CHST11: variants seen among roughly 807,000 people sequenced by gnomAD.
CHST11 encodes the protein carbohydrate sulfotransferase 11, also known as C4S-1.
In CHST11, 9 loss-of-function variants were observed where a neutral mutation model predicts 30.4. The ratio of observed to expected loss-of-function variants is 0.30; its 90% confidence interval spans 0.18 to 0.52. The LOEUF is 0.52. CHST11 is among the 20% of genes least tolerant of loss of function. The pLI is 0.97. For synonymous variants in CHST11, 152 were observed against 187.8 expected (o/e 0.81, Z 1.56); for missense variants, 348 against 460.6 (o/e 0.76, Z 2.24).
chr12:104,734,338 G>A (rs528150248), intron 2 of CHST11, among the ~76,000 whole-genome samples: 1 of 152,324 alleles, frequency 6.6e-6, no homozygotes, highest in East Asian at 1.9e-4. Context: ...GATCACAGGG[G>A]CACGATCCCT....
rs1419380883 is a variant in CHST11 at position 104,651,591 on chromosome 12, G to C, written c.204+49600G>C. Among the ~76,000 whole-genome samples, 3 of 152,134 alleles carry C rather than the reference G, an allele frequency of 2.0e-5. No homozygotes were observed. In the East Asian group the frequency reaches 5.8e-4, roughly 29 times the overall value. On this transcript the variant is annotated intron_variant, in intron 2 of 2. Coordinates refer to ENST00000303694, the MANE Select transcript of CHST11 (RefSeq NM_018413.6). Reference sequence around the variant, plus strand: ...GGGCCAGTCCTGCTTAGGATTCTCTGGCCTTGACCCCTGGTCACTCCTCCT... The same window carrying C: ...GGGCCAGTCCTGCTTAGGATTCTCTCGCCTTGACCCCTGGTCACTCCTCCT...
intron 1 of CHST11, among the ~76,000 whole-genome samples, chr12:104,496,525 T>C (rs1185546901): frequency 6.6e-6 from 1 of 152,248 alleles, no homozygotes; most frequent in African/African-American, 2.4e-5. Context: ...AAATCCGTTA[T>C]GTTATTTTAA....
intron 2 of CHST11, among the ~76,000 whole-genome samples, chr12:104,734,046 T>C (rs2040278395): frequency 6.6e-6 from 1 of 152,216 alleles, no homozygotes; most frequent in Admixed American, 6.5e-5. Flanking sequence ...GGCTGGGCAC[T>C]GCTCCTCCAA....
chr12:104,736,813 G>A (rs552633197), intron 2 of CHST11, among the ~76,000 whole-genome samples: 13 of 152,332 alleles, frequency 8.5e-5, no homozygotes, highest in East Asian at 3.9e-4. Flanking sequence ...CCCACACAGC[G>A]CTGTAGGTGT....
intron 1 of CHST11, among the ~76,000 whole-genome samples, chr12:104,577,450 A>C (rs1222826659): frequency 1.3e-5 from 2 of 152,058 alleles, no homozygotes. Flanking sequence ...GTGCTTTCAG[A>C]TGACAGTGGG....
chr12:104,757,062 C>T lies in CHST11; in HGVS notation c.318C>T (p.Asp106=). ...SRKRRVLTPN[D]LKHLVVDEDH... Reference sequence around the variant, plus strand: ...AGCGGAGGGTGCTGACCCCCAACGACCTGAAGCACTTGGTGGTGGATGAGG... The same window carrying T: ...AGCGGAGGGTGCTGACCCCCAACGATCTGAAGCACTTGGTGGTGGATGAGG... Residue 106 remains aspartate, a synonymous_variant, in exon 3 of 3, where the codon GAC becomes GAT. Transcript: ENST00000303694. The surrounding 1 kb of genome is among the most constrained non-coding windows in gnomAD (Gnocchi z 6.5). The T allele has an allele frequency of 3.1e-6, 5 of 1,614,128 alleles. No individual in the cohort carries two copies. Among genetic ancestry groups the T allele is most frequent in the Non-Finnish European group, 4.2e-6 (5 of 1,180,040 alleles).
chr12:104,709,878 G>T (rs963939364), intron 2 of CHST11, among the ~76,000 whole-genome samples: 1 of 152,306 alleles, frequency 6.6e-6, no homozygotes, highest in African/African-American at 2.4e-5. Flanking sequence ...TATGGTATGT[G>T]ACTCATATCT....
At chr12:104,645,883 C>T (rs1416473967) in intron 2 of CHST11, among the ~76,000 whole-genome samples, 5 of 152,230 alleles carry the variant, frequency 3.3e-5, no homozygotes, top group Non-Finnish European at 7.3e-5. Flanking sequence ...GTGGGGCCAT[C>T]ATCTCTTCTT....
intron 2 of CHST11, among the ~76,000 whole-genome samples, chr12:104,687,276 A>C (rs1296581792): frequency 5.3e-5 from 8 of 152,242 alleles, no homozygotes; most frequent in Non-Finnish European, 1.0e-4. Flanking sequence ...GGTCAAGCCA[A>C]GGGTTGTTGA....
At chr12:104,562,579 A>G (rs2038523997) in intron 1 of CHST11, among the ~76,000 whole-genome samples, 1 of 152,230 alleles carries the variant, frequency 6.6e-6, no homozygotes, top group South Asian at 2.1e-4. Context: ...TGTGTTTAGA[A>G]TTCAGCACCC....
chr12:104,695,243 T>C (rs2039933340), intron 2 of CHST11, among the ~76,000 whole-genome samples: 1 of 152,200 alleles, frequency 6.6e-6, no homozygotes, highest in African/African-American at 2.4e-5. Context: ...ATTCCTCGAA[T>C]GCTCCTTATG....
At position 104,676,505 on chromosome 12, in the gene CHST11, C is replaced by T. The variant is rs1039699140; in HGVS notation, c.204+74514C>T. ...TCTCGGCTCACTGCAACCTCCGCCT[C>T]CCGGGTTCAAGGGATTATTCTGCCC... On this transcript the variant is annotated intron_variant, in intron 2 of 2. Transcript: ENST00000303694. The surrounding 1 kb of genome is among the most constrained non-coding windows in gnomAD (Gnocchi z 4.4). Among the ~76,000 whole-genome samples the T allele has an allele frequency of 5.3e-5, 8 of 152,218 alleles. No homozygotes were observed. Among genetic ancestry groups the T allele is most frequent in the Non-Finnish European group, 8.8e-5 (6 of 68,040 alleles).
At chr12:104,507,489 T>C (rs1042213824) in intron 1 of CHST11, among the ~76,000 whole-genome samples, 2 of 152,252 alleles carry the variant, frequency 1.3e-5, no homozygotes, top group African/African-American at 4.8e-5. Flanking sequence ...GTTTCTTCCC[T>C]TCTCTGGGCC....
chr12:104,709,749 T>C (rs1301900951), intron 2 of CHST11, among the ~76,000 whole-genome samples: 1 of 151,962 alleles, frequency 6.6e-6, no homozygotes, highest in Non-Finnish European at 1.5e-5. Context: ...AATGGTTGCT[T>C]AGGGGTAGGG....
intron 1 of CHST11, among the ~76,000 whole-genome samples, chr12:104,518,974 C>CT (rs5800625): frequency 0.021 from 2,761 of 132,386 alleles, 106 homozygotes; most frequent in African/African-American, 0.071. Context: ...TTTTTTCTTT[C>CT]TTTTTTTTTT....
chr12:104,699,464 C>T (rs1421263637), intron 2 of CHST11, among the ~76,000 whole-genome samples: 1 of 151,906 alleles, frequency 6.6e-6, no homozygotes, highest in Non-Finnish European at 1.5e-5. Context: ...TTTTTGCTTT[C>T]GAAGGTGGCT....
At position 104,664,439 on chromosome 12, in the gene CHST11, C is replaced by T. The variant is rs561235714; in HGVS notation, c.204+62448C>T. Among the ~76,000 whole-genome samples the T allele has an allele frequency of 8.5e-5, 13 of 152,164 alleles. No homozygotes were observed. The East Asian group carries it at 9.6e-4, about 11-fold the overall frequency. The stretch of plus-strand genomic sequence containing the variant: ...TCTCTTGGTGTGTTCTAGAGAAGCA[C>T]GGCTTTATGTAAAAATGTAAGATTT... On this transcript the variant is annotated intron_variant, in intron 2 of 2. Transcript: ENST00000303694.
At chr12:104,746,163 G>A (rs1474326684) in intron 2 of CHST11, among the ~76,000 whole-genome samples, 1 of 152,190 alleles carries the variant, frequency 6.6e-6, no homozygotes, top group East Asian at 1.9e-4. Context: ...GATCTATGTG[G>A]CATCAGCCAC....
intron 1 of CHST11, among the ~76,000 whole-genome samples, chr12:104,532,256 C>T (rs1217405175): frequency 6.6e-6 from 1 of 152,186 alleles, no homozygotes; most frequent in East Asian, 1.9e-4. Context: ...TGCCTTCCCT[C>T]TCCCTTTTGA....
Sources: gnomAD v4.1 joint callset for allele counts (sites outside exome capture counted in the v4.1 genomes callset) on GRCh38, gnomAD v4.1.1 for gene constraint, Gnocchi (gnomAD v3.1) non-coding constraint, MANE v1.5 for transcripts, NCBI Gene and HGNC (gene_info 2026-07-23, HGNC 2026-07-21) for gene names.